Variants in SPEN observed in about 807,000 individuals in gnomAD.
The protein encoded by SPEN is spen family transcriptional repressor, also known as msx2-interacting protein.
In SPEN, 18 loss-of-function variants were observed where a neutral mutation model predicts 269.9. The observed-to-expected ratio is 0.07, with a 90% CI of 0.05 to 0.10. The LOEUF is 0.10. SPEN is among the 10% of genes least tolerant of loss of function. SPEN has a pLI of 1.00. For missense variants in SPEN, 3,822 were observed against 4,631.2 expected, an observed-to-expected ratio of 0.83 and a Z score of 5.07; for synonymous variants, 1,726 against 1,765.7, an observed-to-expected ratio of 0.98 and a Z score of 0.56.
chr1:15,857,497 C>T (rs1165141625), intron 1 of SPEN, among the ~76,000 whole-genome samples: 1 of 151,926 alleles, frequency 6.6e-6, no homozygotes, highest in African/African-American at 2.4e-5. Context: ...GCTGGGATTA[C>T]AGGCGTGTGC....
At position 15,931,548 on chromosome 1, in the gene SPEN, A is replaced by G. The variant is rs745629097; in HGVS notation, c.5308A>G (p.Asn1770Asp). ...ACCAGCTCAGAAGTCTGAGGAAGCC[A>G]ATGAGCCAAAGGCCGAAAAGCCAGA... ...SKPAQKSEEA[N>D]EPKAEKPDAT... The change falls in exon 11 of 15, where the codon AAT becomes GAT. Residue 1770 changes from asparagine to aspartate, a missense_variant. Asn to Asp is a conservative substitution (Grantham distance 23). Transcript: ENST00000375759. This position sits in a 1 kb window ranked among gnomAD's most constrained non-coding sequence, Gnocchi z 4.8. 2 of 1,614,192 alleles carry G rather than the reference A, an allele frequency of 1.2e-6. No individual in the cohort carries two copies. Among genetic ancestry groups the G allele is most frequent in the African/African-American group, 1.3e-5 (1 of 75,046 alleles).
chr1:15,906,336 C>T (rs1342470916), intron 3 of SPEN, among the ~76,000 whole-genome samples: 2 of 152,038 alleles, frequency 1.3e-5, no homozygotes, highest in Non-Finnish European at 2.9e-5. Flanking sequence ...ATGATTTTAT[C>T]TCAAGGCCTT....
chr1:15,861,721 C>A (rs1357054510), intron 1 of SPEN, among the ~76,000 whole-genome samples: 1 of 151,924 alleles, frequency 6.6e-6, no homozygotes, highest in Non-Finnish European at 1.5e-5. Flanking sequence ...TAAACATCCT[C>A]TCACCTTGGC....
At chr1:15,874,299 A>G (rs1320364855) in intron 2 of SPEN, 1 of 1,366,168 alleles carries the variant, frequency 7.3e-7, no homozygotes, top group Non-Finnish European at 9.8e-7. Context: ...AAGGTGGATT[A>G]CCCCCATAAG....
At chr1:15,851,875 TGGGAGGCTGAG>T (rs2070340014) in intron 1 of SPEN, among the ~76,000 whole-genome samples, 1 of 152,006 alleles carries the variant, frequency 6.6e-6, no homozygotes. Flanking sequence ...TCCAGCTACT[TGGGAGGCTGAG>T]GCAGGGGAAT....
chr1:15,848,410 C>G lies in SPEN; in HGVS notation c.83+260C>G, dbSNP rs924966604. ...CCGCGTCCGTGACGAGGGAGGTGAC[C>G]GAGGCTCGGCCTCCACGCAGCCGGC... On this transcript the variant is annotated intron_variant, in intron 1 of 14. Coordinates refer to ENST00000375759, the MANE Select transcript of SPEN (RefSeq NM_015001.3). The surrounding 1 kb of genome is among the most constrained non-coding windows in gnomAD (Gnocchi z 5.1). 6.6e-6 allele frequency among the ~76,000 whole-genome samples: 1 copy of G among 151,614 alleles called. No individual in the cohort carries two copies. The highest frequency in any genetic ancestry group is 2.4e-5 in the African/African-American group (1 of 41,468).
chr1:15,890,010 C>T (rs1051354532), intron 3 of SPEN, among the ~76,000 whole-genome samples: 1 of 152,074 alleles, frequency 6.6e-6, no homozygotes, highest in Non-Finnish European at 1.5e-5. Flanking sequence ...CCACCGCACC[C>T]GGCCTATAGA....
Position 15,930,263 on chromosome 1 carries a change from C to G in SPEN, c.4023C>G (p.Asp1341Glu). 6.2e-7 allele frequency: 1 copy of G among 1,614,148 alleles called. No homozygotes were observed. The highest frequency in any genetic ancestry group is 8.5e-7 in the Non-Finnish European group (1 of 1,180,026). ...LNSEDELNRW[D>E]SQMKQDAGRF... ...CTGAAGATGAACTAAATCGTTGGGA[C>G]TCTCAGATGAAACAGGATGCTGGCA... Residue 1341 changes from aspartate (D) to glutamate (E), a missense_variant, in exon 11 of 15, where the codon GAC becomes GAG. Physicochemically the swap from Asp to Glu is conservative, Grantham distance 45. Transcript: ENST00000375759. The surrounding 1 kb of genome is among the most constrained non-coding windows in gnomAD (Gnocchi z 5.3).
At chr1:15,899,509 G>T (rs1422080673) in intron 3 of SPEN, among the ~76,000 whole-genome samples, 1 of 149,768 alleles carries the variant, frequency 6.7e-6, no homozygotes, top group East Asian at 1.9e-4. Flanking sequence ...CATCCTAGTG[G>T]GTGTGAAGTG....
In SPEN at chr1:15,873,898, A is replaced by G. The variant is rs529291438; in HGVS notation, c.404+762A>G. On this transcript the variant is annotated intron_variant, in intron 2 of 14. Transcript: ENST00000375759. ...TAGCCCAGGGAAAGAGGATTACTAT[A>G]TCATTTCTTAAGCAAGTTGCTGTCC... The G allele has an allele frequency of 1.8e-5, 20 of 1,135,774 alleles. No homozygotes were observed. The African/African-American group carries it at 3.1e-4, about 17-fold the overall frequency. The allele number at this position is 1,135,774 out of a possible 1,614,324, so 70.4% of individuals were successfully genotyped here.
chr1:15,854,506 A>G (rs1369012568), intron 1 of SPEN, among the ~76,000 whole-genome samples: 5 of 151,918 alleles, frequency 3.3e-5, no homozygotes, highest in South Asian at 2.1e-4. Flanking sequence ...TTTGTTTTTG[A>G]GACGGAGTTT....
Position 15,932,006 on chromosome 1 carries a change from G to A in SPEN, c.5766G>A (p.Glu1922=). Residue 1922 remains glutamate, a synonymous_variant, in exon 11 of 15, where the codon GAG becomes GAA. Coordinates refer to ENST00000375759, the MANE Select transcript of SPEN (RefSeq NM_015001.3). The surrounding 1 kb of genome is among the most constrained non-coding windows in gnomAD (Gnocchi z 4.2). ...GDHENRSPVK[E]PVEQPRVTRK... ...ATGAAAACCGCTCTCCTGTCAAAGA[G>A]CCCGTTGAGCAACCAAGAGTGACCA... 6.2e-7 allele frequency: 1 copy of A among 1,614,232 alleles called. No individual in the cohort carries two copies.
chr1:15,911,208 C>A lies in SPEN; in HGVS notation c.1150C>A (p.Arg384=). The stretch of plus-strand genomic sequence containing the variant: ...AGAGAGGTATGGTCTGGTATTCTTT[C>A]GGCAGCAAGAGGACCAAGAAAAAGC... ...SEERYGLVFF[R]QQEDQEKALT... is the part of the protein sequence containing the mutation. Residue 384 remains arginine, a synonymous_variant, in exon 5 of 15, where the codon CGG becomes AGG. Coordinates refer to ENST00000375759, the MANE Select transcript of SPEN (RefSeq NM_015001.3). The A allele has an allele frequency of 6.2e-7, 1 of 1,614,104 alleles. No homozygotes were observed. Among genetic ancestry groups the A allele is most frequent in the Non-Finnish European group, 8.5e-7 (1 of 1,180,008 alleles).
At position 15,929,447 on chromosome 1, in the gene SPEN, T is replaced by G; in HGVS notation, c.3207T>G (p.Leu1069=). Residue 1069 remains leucine (L), a synonymous_variant, in exon 11 of 15, where the codon CTT becomes CTG. Coordinates refer to ENST00000375759, the MANE Select transcript of SPEN (RefSeq NM_015001.3). The surrounding 1 kb of genome is among the most constrained non-coding windows in gnomAD (Gnocchi z 5.8). ...TVASPKDCQE[L]ASISVGSGSR... ...CCAGCCCCAAAGACTGTCAGGAGCT[T>G]GCCAGTATTTCTGTTGGGTCTGGCT... 6.2e-7 allele frequency: 1 copy of G among 1,613,476 alleles called. No homozygotes were observed. Among genetic ancestry groups the G allele is most frequent in the Non-Finnish European group, 8.5e-7 (1 of 1,179,734 alleles).
chr1:15,910,124 T>TA (rs57198076), intron 4 of SPEN, among the ~76,000 whole-genome samples: 4,798 of 65,528 alleles, frequency 0.073, 254 homozygotes, highest in Middle Eastern at 0.11. Context: ...ACTCTGTCTC[T>TA]AAAAAAAAAA....
intron 3 of SPEN, among the ~76,000 whole-genome samples, chr1:15,882,188 C>T (rs1277454140): frequency 2.0e-5 from 3 of 152,136 alleles, no homozygotes; most frequent in Non-Finnish European, 2.9e-5. Context: ...ATGTACTGCT[C>T]GACGTCTTTT....
In SPEN at chr1:15,920,986, G is replaced by T. The variant is rs1389546931; in HGVS notation, c.1749+3G>T. 22 of 1,569,748 alleles carry T rather than the reference G, an allele frequency of 1.4e-5. No individual in the cohort carries two copies. In the South Asian group the frequency reaches 2.2e-4, roughly 16 times the overall value. ...AAATCGGTGGGAATAAAATTAAGGT[G>T]TGCAGAATGACTTTAAACAGAAGCA... On this transcript the variant is annotated splice_donor_region_variant and intron_variant, in intron 9 of 14. Coordinates refer to ENST00000375759, the MANE Select transcript of SPEN (RefSeq NM_015001.3).
chr1:15,920,903 G>T lies in SPEN; in HGVS notation c.1669G>T (p.Val557Phe), dbSNP rs139107152. The change falls in exon 9 of 15, where the codon GTT (valine) becomes TTT (phenylalanine). Residue 557 changes from valine (V) to phenylalanine (F), a missense_variant. Around this residue, in one of 16 missense-constraint regions of SPEN, gnomAD observed 230 missense variants for 426.1 expected, o/e 0.54. Coordinates refer to ENST00000375759, the MANE Select transcript of SPEN (RefSeq NM_015001.3). Reference sequence around the variant, plus strand: ...TGACCGCTTAAAAGGCATGGCCCTGGTTCTCTACAATGAAATTGAATATGC... The same window carrying T: ...TGACCGCTTAAAAGGCATGGCCCTGTTTCTCTACAATGAAATTGAATATGC... ...VFDRLKGMAL[V>F]LYNEIEYAQA... 1 of 1,612,912 alleles carries T rather than the reference G, an allele frequency of 6.2e-7. No individual in the cohort carries two copies. The highest frequency in any genetic ancestry group is 2.2e-5 in the East Asian group (1 of 44,732).
At chr1:15,912,894 C>G (rs941698072) in intron 5 of SPEN, among the ~76,000 whole-genome samples, 1 of 152,158 alleles carries the variant, frequency 6.6e-6, no homozygotes, top group Non-Finnish European at 1.5e-5. Flanking sequence ...ACTTTTATCT[C>G]TAGATGGTAG....
Sources: allele counts gnomAD v4.1 joint callset (sites outside exome capture counted in the v4.1 genomes callset), GRCh38; gene constraint gnomAD v4.1.1; regional missense constraint gnomAD v4.1.1; non-coding constraint Gnocchi (gnomAD v3.1); transcripts MANE v1.5; gene names NCBI Gene and HGNC (gene_info 2026-07-23, HGNC 2026-07-21).